OXR1: variants seen among roughly 807,000 people sequenced by gnomAD.
OXR1 encodes the protein oxidation resistance protein 1.
In OXR1, 41 loss-of-function variants were observed where a neutral mutation model predicts 104.6. The observed-to-expected ratio is 0.39, with a 90% confidence interval of 0.31 to 0.51. The LOEUF (loss-of-function observed/expected upper bound fraction) is 0.51, where lower values mean the gene tolerates loss of function less well. OXR1 is among the 20% of genes least tolerant of loss of function. OXR1 has a pLI of 0.77. For missense variants in OXR1, 955 were observed against 1,031.9 expected (o/e 0.93, Z 1.02); for synonymous variants, 348 against 348.4 (o/e 1.00, Z 0.01).
chr8:106,310,471 A>G (rs1253156746), intron 1 of OXR1, among the ~76,000 whole-genome samples: 2 of 152,094 alleles, frequency 1.3e-5, no homozygotes, highest in Admixed American at 6.5e-5. Context: ...CATCCTGACA[A>G]TTCTCTTTGC....
chr8:106,578,371 G>T (rs923331160), intron 3 of OXR1, among the ~76,000 whole-genome samples: 13 of 152,288 alleles, frequency 8.5e-5, no homozygotes, highest in African/African-American at 2.9e-4. Context: ...GATTGATACA[G>T]TAGAGTTTTT....
At chr8:106,617,385 C>T (rs766180176) in intron 3 of OXR1, among the ~76,000 whole-genome samples, 3 of 151,966 alleles carry the variant, frequency 2.0e-5, no homozygotes, top group East Asian at 1.9e-4. Flanking sequence ...ATGAAGATGG[C>T]GCCACTGTAC....
At chr8:106,308,036 A>T (rs768420396) in intron 1 of OXR1, among the ~76,000 whole-genome samples, 10 of 152,024 alleles carry the variant, frequency 6.6e-5, no homozygotes, top group Non-Finnish European at 1.5e-4. Context: ...ATACACACAC[A>T]CAGAAATTTA....
chr8:106,314,880 G>A (rs377659460), intron 1 of OXR1, among the ~76,000 whole-genome samples: 1 of 152,082 alleles, frequency 6.6e-6, no homozygotes, highest in Admixed American at 6.6e-5. Context: ...AGAGCATAAC[G>A]GTATAGACAC....
At chr8:106,378,351 T>A (rs565166278) in intron 2 of OXR1, among the ~76,000 whole-genome samples, 17 of 152,268 alleles carry the variant, frequency 1.1e-4, no homozygotes, top group Non-Finnish European at 2.2e-4. Context: ...GGAATGAGAA[T>A]GTGGCTTAGG....
At chr8:106,641,830 CA>C (rs1489792494) in intron 3 of OXR1, among the ~76,000 whole-genome samples, 2 of 151,782 alleles carry the variant, frequency 1.3e-5, no homozygotes, top group South Asian at 2.1e-4. Flanking sequence ...ATATAAGCAC[CA>C]AAAAAACTAG....
intron 16 of OXR1, among the ~76,000 whole-genome samples, chr8:106,747,544 A>G (rs545337141): frequency 6.6e-6 from 1 of 152,320 alleles, no homozygotes; most frequent in East Asian, 1.9e-4. Flanking sequence ...CTCTTTTCAG[A>G]AAGTCGTATG....
intron 1 of OXR1, among the ~76,000 whole-genome samples, chr8:106,336,015 G>A (rs933380689): frequency 1.3e-5 from 2 of 152,162 alleles, no homozygotes; most frequent in African/African-American, 4.8e-5. Context: ...AGAATCACCT[G>A]AACCCCGGAG....
At chr8:106,709,671 A>G (rs939249305) in intron 9 of OXR1, among the ~76,000 whole-genome samples, 6 of 152,094 alleles carry the variant, frequency 3.9e-5, no homozygotes, top group Admixed American at 2.0e-4. Context: ...ATGTTTTTAA[A>G]CAGTCATCTC....
intron 2 of OXR1, among the ~76,000 whole-genome samples, chr8:106,492,284 TC>T (rs1811142236): frequency 6.6e-6 from 1 of 152,176 alleles, no homozygotes; most frequent in African/African-American, 2.4e-5. Context: ...ATTCATGACT[TC>T]CCTGTCTCCA....
chr8:106,601,440 T>C (rs1046517139), intron 3 of OXR1, among the ~76,000 whole-genome samples: 2 of 152,200 alleles, frequency 1.3e-5, no homozygotes, highest in Non-Finnish European at 2.9e-5. Context: ...CCAGCTGGCT[T>C]GTAGAAGCCA....
rs536442236 is a variant in OXR1, at chr8:106,457,958, G to A, written c.24-60985G>A. Among the ~76,000 whole-genome samples, 11 of 152,182 alleles carry A rather than the reference G, an allele frequency of 7.2e-5. No individual in the cohort carries two copies. The East Asian group carries it at 1.9e-3, about 27-fold the overall frequency. ...CTTTTAACTAGTTATAGTAAAATGC[G>A]AGTGGAGAGAAATGATTTAAAGACT... On this transcript the variant is annotated intron_variant, in intron 2 of 16. Transcript: ENST00000517566.
Position 106,505,792 on chromosome 8 carries a change from C to G in OXR1, c.24-13151C>G, listed in dbSNP as rs541641719. Among the ~76,000 whole-genome samples, 3 of 152,316 alleles carry G rather than the reference C, an allele frequency of 2.0e-5. No homozygotes were observed. In the South Asian group the frequency reaches 6.2e-4, roughly 32 times the overall value. ...CATGGGCAAGAAAAGTGGCCCAAGA[C>G]TATCAGGGCACTATGGACCATTGAA... On this transcript the variant is annotated intron_variant, in intron 2 of 16. Coordinates refer to ENST00000517566, the MANE Select transcript of OXR1 (RefSeq NM_001198533.2).
chr8:106,509,773 A>G (rs187409380), intron 2 of OXR1, among the ~76,000 whole-genome samples: 6 of 152,086 alleles, frequency 3.9e-5, no homozygotes, highest in African/African-American at 1.4e-4. Context: ...TCCAACAAAC[A>G]TTCTTTATTT....
Position 106,737,557 on chromosome 8 carries a change from C to T in OXR1, c.1994C>T (p.Ala665Val). 1 of 1,422,308 alleles carries T rather than the reference C, an allele frequency of 7.0e-7. No individual in the cohort carries two copies. Among genetic ancestry groups the T allele is most frequent in the Non-Finnish European group, 9.2e-7 (1 of 1,081,318 alleles). The allele number at this position is 1,422,308 out of a possible 1,614,324, so 88.1% of individuals were successfully genotyped here. Reference protein sequence around the residue: ...SVAEYHRRIDALNTEELRTLC... With the variant: ...SVAEYHRRIDVLNTEELRTLC... ...GCTGAGTATCACCGCAGGATCGATG[C>T]TCTAAATACTGAAGAACTGCGCACA... is the stretch of plus-strand genomic sequence containing the variant. Residue 665 changes from alanine (A) to valine (V), a missense_variant, in exon 12 of 17, where the codon GCT (alanine) becomes GTT (valine). Ala to Val is a moderately conservative substitution (Grantham distance 64). Coordinates refer to ENST00000517566, the MANE Select transcript of OXR1 (RefSeq NM_001198533.2).
intron 1 of OXR1, among the ~76,000 whole-genome samples, chr8:106,338,101 C>A (rs188487106): frequency 3.5e-4 from 54 of 152,208 alleles, no homozygotes; most frequent in Admixed American, 7.2e-4. Context: ...CTGTTCTGGG[C>A]CCCAACAAAC....
intron 2 of OXR1, among the ~76,000 whole-genome samples, chr8:106,433,850 A>G (rs1819462067): frequency 6.6e-6 from 1 of 152,222 alleles, no homozygotes. Context: ...GCTGAAAGGA[A>G]CATTCGTTTA....
At chr8:106,681,080 C>T (rs939645834) in intron 4 of OXR1, among the ~76,000 whole-genome samples, 1 of 152,150 alleles carries the variant, frequency 6.6e-6, no homozygotes, top group Admixed American at 6.6e-5. Context: ...TGCATCCTTT[C>T]TCTTTCTTGT....
At chr8:106,506,458 A>G (rs868567405) in intron 2 of OXR1, among the ~76,000 whole-genome samples, 4 of 152,006 alleles carry the variant, frequency 2.6e-5, no homozygotes, top group African/African-American at 4.8e-5. Flanking sequence ...CTAAAAATAC[A>G]AAAAATTAGC....
Sources: gnomAD v4.1 joint callset for allele counts (sites outside exome capture counted in the v4.1 genomes callset) on GRCh38, gnomAD v4.1.1 for gene constraint, MANE v1.5 for transcripts, NCBI Gene and HGNC (gene_info 2026-07-23, HGNC 2026-07-21) for gene names.